The following MIPOL1 variants were observed in gnomAD, a reference collection of about 807,000 sequenced individuals.
The protein encoded by MIPOL1 is mirror-image polydactyly gene 1 protein.
MIPOL1 carries 57 observed loss-of-function variants against 60.9 expected under a neutral mutation model. That is an observed-to-expected ratio of 0.94 (90% CI 0.76 to 1.17). MIPOL1 has a LOEUF of 1.17. Ranked by LOEUF, MIPOL1 falls within the 50% of genes most tolerant of loss-of-function variation. The probability of loss-of-function intolerance (pLI) is 0.00; values close to 1 mark genes in which losing one functional copy is unlikely to be tolerated. For missense variants in MIPOL1, 551 were observed against 511.6 expected (o/e 1.08, Z -0.74); for synonymous variants, 179 against 168.8 (o/e 1.06, Z -0.47).
intron 12 of MIPOL1, among the ~76,000 whole-genome samples, chr14:37,536,495 C>T (rs374368471): frequency 1.3e-5 from 2 of 152,100 alleles, no homozygotes; most frequent in African/African-American, 2.4e-5. Context: ...AATCACATAA[C>T]ATCATCATAA....
At chr14:37,281,976 T>G (rs2084143096) in intron 6 of MIPOL1, among the ~76,000 whole-genome samples, 1 of 152,156 alleles carries the variant, frequency 6.6e-6, no homozygotes, top group South Asian at 2.1e-4. Flanking sequence ...GTGTGTTTTC[T>G]GGCATTTAAA....
intron 7 of MIPOL1, among the ~76,000 whole-genome samples, chr14:37,296,297 T>G (rs2085671831): frequency 6.6e-6 from 1 of 151,820 alleles, no homozygotes; most frequent in African/African-American, 2.4e-5. Flanking sequence ...TGGGACACAT[T>G]CAAAGCAGTG....
rs138416744 is a variant in MIPOL1, at chr14:37,381,686, G to T, written c.936+12062G>T. ...CAGCCCCAATCTTCCAGGCTCAAGT[G>T]ATCCTCCCACCTCAGCCTCCTAAGC... On this transcript the variant is annotated intron_variant, in intron 10 of 12. Transcript: ENST00000684589. Among the ~76,000 whole-genome samples, 659 of 151,464 alleles carry T rather than the reference G, an allele frequency of 4.4e-3. 7 individuals are homozygous for T. The highest frequency in any genetic ancestry group is 6.8e-3 in the Non-Finnish European group (461 of 67,838).
intron 7 of MIPOL1, among the ~76,000 whole-genome samples, chr14:37,305,070 T>C (rs1192530224): frequency 4.6e-5 from 7 of 151,812 alleles, no homozygotes; most frequent in Non-Finnish European, 7.4e-5. Flanking sequence ...CCCAAAGTCA[T>C]TTTAAATAGA....
At chr14:37,389,852 G>C (rs2093184789) in intron 10 of MIPOL1, among the ~76,000 whole-genome samples, 1 of 151,652 alleles carries the variant, frequency 6.6e-6, no homozygotes, top group South Asian at 2.1e-4. Flanking sequence ...CACAGGTTTG[G>C]AGATTAAAAA....
At chr14:37,348,779 A>G (rs2091125759) in intron 9 of MIPOL1, among the ~76,000 whole-genome samples, 1 of 150,022 alleles carries the variant, frequency 6.7e-6, no homozygotes, top group African/African-American at 2.5e-5. Flanking sequence ...GACTTCTTGC[A>G]TCTTCCTTCT....
chr14:37,434,494 T>C (rs1031046065), intron 11 of MIPOL1: 4 of 152,106 alleles, frequency 2.6e-5, no homozygotes, highest in African/African-American at 7.2e-5. Context: ...TTCACGAATT[T>C]GTCTGTCATC....
chr14:37,292,019 G>A (rs751524215), intron 7 of MIPOL1, among the ~76,000 whole-genome samples: 16 of 147,710 alleles, frequency 1.1e-4, no homozygotes, highest in African/African-American at 1.8e-4. Context: ...TCCACCTCCC[G>A]GGTTCATGCC....
intron 7 of MIPOL1, among the ~76,000 whole-genome samples, chr14:37,286,747 A>G (rs569636477): frequency 7.3e-4 from 111 of 152,292 alleles, no homozygotes; most frequent in African/African-American, 2.3e-3. Context: ...TAGGCTCATT[A>G]TACAGCATTA....
intron 11 of MIPOL1, among the ~76,000 whole-genome samples, chr14:37,429,114 C>T (rs1480601707): frequency 6.6e-6 from 1 of 152,140 alleles, no homozygotes; most frequent in African/African-American, 2.4e-5. Context: ...GAATCTTAAA[C>T]TTGTAGGGAT....
chr14:37,503,876 G>C (rs1445992377), intron 12 of MIPOL1: 1 of 152,102 alleles, frequency 6.6e-6, no homozygotes, highest in Non-Finnish European at 1.5e-5. Context: ...TACATGCAGA[G>C]GCACAAATAG....
chr14:37,290,477 C>T (rs1307797522), intron 7 of MIPOL1, among the ~76,000 whole-genome samples: 1 of 152,152 alleles, frequency 6.6e-6, no homozygotes, highest in African/African-American at 2.4e-5. Context: ...CCACCCGCCT[C>T]AGCCTCCCAA....
chr14:37,293,175 T>C (rs1445748435), intron 7 of MIPOL1, among the ~76,000 whole-genome samples: 1 of 152,156 alleles, frequency 6.6e-6, no homozygotes, highest in Admixed American at 6.5e-5. Flanking sequence ...GTCTACTCAA[T>C]TCATTCTCAG....
chr14:37,269,530 A>T (rs559330910), intron 5 of MIPOL1, among the ~76,000 whole-genome samples: 1 of 152,248 alleles, frequency 6.6e-6, no homozygotes, highest in East Asian at 1.9e-4. Context: ...AATTAAAAAA[A>T]CATGTGGAGG....
chr14:37,330,114 G>A (rs906118476), intron 9 of MIPOL1, among the ~76,000 whole-genome samples: 14 of 151,978 alleles, frequency 9.2e-5, no homozygotes, highest in African/African-American at 3.4e-4. Context: ...CTTTTATGTG[G>A]TAATTTTATA....
At chr14:37,441,744 T>A (rs2094249201) in intron 11 of MIPOL1, among the ~76,000 whole-genome samples, 2 of 152,112 alleles carry the variant, frequency 1.3e-5, no homozygotes, top group South Asian at 4.1e-4. Flanking sequence ...CTTTAGTTAT[T>A]CATACTCTCT....
chr14:37,215,821 A>T (rs772805556), intron 1 of MIPOL1, among the ~76,000 whole-genome samples: 1 of 152,174 alleles, frequency 6.6e-6, no homozygotes, highest in Non-Finnish European at 1.5e-5. Flanking sequence ...TAATCCAAGC[A>T]TGTTGGGAGG....
At chr14:37,454,962 A>G (rs1404040073) in intron 11 of MIPOL1, among the ~76,000 whole-genome samples, 1 of 152,136 alleles carries the variant, frequency 6.6e-6, no homozygotes, top group African/African-American at 2.4e-5. Flanking sequence ...AATAATTATC[A>G]TATGTCTTTT....
intron 9 of MIPOL1, among the ~76,000 whole-genome samples, chr14:37,358,759 A>G (rs1347999383): frequency 2.0e-5 from 3 of 152,174 alleles, no homozygotes; most frequent in Non-Finnish European, 4.4e-5. Flanking sequence ...GTAGATTACA[A>G]AAATTTTCTC....
Sources: allele counts gnomAD v4.1 joint callset (sites outside exome capture counted in the v4.1 genomes callset), GRCh38; gene constraint gnomAD v4.1.1; transcripts MANE v1.5; gene names NCBI Gene and HGNC (gene_info 2026-07-23, HGNC 2026-07-21).